The following XXYLT1 variants were observed in gnomAD, a reference collection of about 807,000 sequenced individuals.
XXYLT1 encodes the protein xyloside xylosyltransferase 1.
A neutral mutation model predicts 28.9 loss-of-function variants in XXYLT1; 20 were observed. The observed-to-expected ratio is 0.69, with a 90% CI of 0.49 to 1.00. The LOEUF (loss-of-function observed/expected upper bound fraction) is 1.00. Among genes scored for constraint, XXYLT1 ranks in the 50% least tolerant of loss-of-function variants. The pLI is 0.00. For missense variants in XXYLT1, 542 were observed against 560.1 expected, an observed-to-expected ratio of 0.97 and a Z score of 0.33; for synonymous variants, 257 against 253.8, an observed-to-expected ratio of 1.01 and a Z score of -0.12.
rs1323077962 is a variant in XXYLT1, at chr3:195,115,800, AAC to A, written c.785+40647_785+40648del. On this transcript the variant is annotated intron_variant, in intron 3 of 3. Transcript: ENST00000310380. This position sits in a 1 kb window ranked among gnomAD's most constrained non-coding sequence, Gnocchi z 4.2. ...GACCTCGGTTATCTAGAGAGTAACT[AAC>A]AGTGCTTTGTCAGAGGGCGAGAGGG... 6.6e-6 allele frequency among the ~76,000 whole-genome samples: 1 copy of A among 152,160 alleles called. No individual in the cohort carries two copies. The highest frequency in any genetic ancestry group is 1.5e-5 in the Non-Finnish European group (1 of 68,028).
At chr3:195,153,876 G>A (rs4677663) in intron 3 of XXYLT1, 55,310 of 152,166 alleles carry the variant, frequency 0.36, 11,562 homozygotes, top group East Asian at 0.84. Context: ...CCCGATCCCT[G>A]AAGAGCTCAC....
intron 1 of XXYLT1, among the ~76,000 whole-genome samples, chr3:195,238,341 C>A (rs1452226394): frequency 6.6e-6 from 1 of 152,200 alleles, no homozygotes; most frequent in Non-Finnish European, 1.5e-5. Flanking sequence ...CTTCCCACAG[C>A]CTCCCACAAT....
chr3:195,224,645 T>C (rs1367962461), intron 2 of XXYLT1, among the ~76,000 whole-genome samples: 1 of 152,026 alleles, frequency 6.6e-6, no homozygotes, highest in African/African-American at 2.4e-5. Flanking sequence ...GAGCACGCAA[T>C]GGGCAGGAAC....
chr3:195,159,544 C>T (rs1330543030), intron 2 of XXYLT1, among the ~76,000 whole-genome samples: 5 of 152,148 alleles, frequency 3.3e-5, no homozygotes, highest in African/African-American at 7.2e-5. Flanking sequence ...ACAACTAGCT[C>T]GTGGAGTATC....
At chr3:195,202,553 A>G (rs78140815) in intron 2 of XXYLT1, among the ~76,000 whole-genome samples, 5,117 of 152,258 alleles carry the variant, frequency 0.034, 313 homozygotes, top group African/African-American at 0.12. Flanking sequence ...GCTTTAGAAC[A>G]TTCTGGTTCC....
At chr3:195,203,077 G>T (rs1722925346) in intron 2 of XXYLT1, among the ~76,000 whole-genome samples, 1 of 151,946 alleles carries the variant, frequency 6.6e-6, no homozygotes, top group African/African-American at 2.4e-5. Context: ...CCAAAGTGCT[G>T]GCATTACAGG....
In XXYLT1 at chr3:195,137,247, A is replaced by T. The variant is rs185974946; in HGVS notation, c.785+19202T>A. Among the ~76,000 whole-genome samples, 6 of 152,326 alleles carry T rather than the reference A, an allele frequency of 3.9e-5. No individual in the cohort carries two copies. In the East Asian group the frequency reaches 1.2e-3, roughly 29 times the overall value. On this transcript the variant is annotated intron_variant, in intron 3 of 3. Coordinates refer to ENST00000310380, the MANE Select transcript of XXYLT1 (RefSeq NM_152531.5). ...AGGGGTGACATGTAGGGACAGGGGC[A>T]TTACAAACTGAAGTTTGAGATGCTT...
chr3:195,100,405 C>T (rs1716711176), intron 3 of XXYLT1, among the ~76,000 whole-genome samples: 1 of 152,220 alleles, frequency 6.6e-6, no homozygotes, highest in Non-Finnish European at 1.5e-5. Flanking sequence ...AGGAGGGACA[C>T]ATTTAGCACA....
At chr3:195,070,848 AG>A (rs200213473) in intron 3 of XXYLT1, among the ~76,000 whole-genome samples, 7,870 of 152,320 alleles carry the variant, frequency 0.052, 310 homozygotes, top group East Asian at 0.19. Flanking sequence ...AGAGCCATGT[AG>A]GATGATGTCT....
At chr3:195,070,147 A>G in intron 3 of XXYLT1, 36 bp from the exon 4 acceptor site, 1 of 1,507,696 alleles carries the variant, frequency 6.6e-7, no homozygotes, top group Non-Finnish European at 8.8e-7. Flanking sequence ...TCCGGTGTGC[A>G]GGGGAACCAG....
rs186547573 is a variant in XXYLT1, at chr3:195,247,686, C to T, written c.505-20830G>A. ...CCCTCCGACCCCAGGGCAGGCTCAGCTGCTGTATTAGCCTGTTCTCACACT... is the reference window on the plus strand; with the variant it reads ...CCCTCCGACCCCAGGGCAGGCTCAGTTGCTGTATTAGCCTGTTCTCACACT... On this transcript the variant is annotated intron_variant, in intron 1 of 3. Transcript: ENST00000310380. 3.7e-5 allele frequency: 23 copies of T among 613,938 alleles called. 1 individual carries two copies. In the South Asian group the frequency reaches 4.1e-4, roughly 11 times the overall value. The allele number at this position is 613,938 out of a possible 1,614,324, so 38.0% of individuals were successfully genotyped here. A position where few individuals can be genotyped will look rare whatever the true frequency, so the allele number is the denominator to read the frequency against.
rs898457073 is a variant in XXYLT1, at chr3:195,210,288, C to T, written c.652+16421G>A. On this transcript the variant is annotated intron_variant, in intron 2 of 3. Coordinates refer to ENST00000310380, the MANE Select transcript of XXYLT1 (RefSeq NM_152531.5). This position sits in a 1 kb window ranked among gnomAD's most constrained non-coding sequence, Gnocchi z 4.8. ...ACAGGACGCTGCTCTGCTGACCTCT[C>T]GCCTCTTGCTCCCTGTGTGACACCC... Among the ~76,000 whole-genome samples, 2 of 152,234 alleles carry T rather than the reference C, an allele frequency of 1.3e-5. No individual in the cohort carries two copies. Among genetic ancestry groups the T allele is most frequent in the Non-Finnish European group, 2.9e-5 (2 of 68,040 alleles).
intron 3 of XXYLT1, among the ~76,000 whole-genome samples, chr3:195,134,216 AAG>A (rs1391611888): frequency 1.3e-5 from 2 of 152,238 alleles, no homozygotes; most frequent in South Asian, 4.1e-4. Flanking sequence ...TTTTTGAAGA[AAG>A]AACATTTATT....
chr3:195,263,778 G>A (rs1374871262), intron 1 of XXYLT1, among the ~76,000 whole-genome samples: 1 of 152,156 alleles, frequency 6.6e-6, no homozygotes, highest in African/African-American at 2.4e-5. Flanking sequence ...TCTGAAAGAG[G>A]CTGAGGTTTG....
chr3:195,135,586 T>C (rs977591357), intron 3 of XXYLT1, among the ~76,000 whole-genome samples: 1 of 152,112 alleles, frequency 6.6e-6, no homozygotes, highest in Non-Finnish European at 1.5e-5. Flanking sequence ...TCCCTAGGCC[T>C]CAGCACCAGG....
chr3:195,181,591 G>C (rs957134212), intron 2 of XXYLT1, among the ~76,000 whole-genome samples: 3 of 152,106 alleles, frequency 2.0e-5, no homozygotes, highest in African/African-American at 7.2e-5. Flanking sequence ...AAGCTCACTT[G>C]GTGCTCACAA....
chr3:195,269,644 T>C (rs909035890), intron 1 of XXYLT1, among the ~76,000 whole-genome samples: 5 of 152,206 alleles, frequency 3.3e-5, no homozygotes, highest in South Asian at 2.1e-4. Flanking sequence ...ACAGCTCCCC[T>C]AGTCACTCAC....
At chr3:195,234,653 T>C (rs987543831) in intron 1 of XXYLT1, among the ~76,000 whole-genome samples, 3 of 152,100 alleles carry the variant, frequency 2.0e-5, no homozygotes, top group Non-Finnish European at 4.4e-5. Context: ...CTATTTAAGT[T>C]TTTTCCCTTC....
intron 1 of XXYLT1, among the ~76,000 whole-genome samples, chr3:195,265,437 AC>A (rs1414613261): frequency 3.3e-5 from 5 of 152,178 alleles, no homozygotes; most frequent in African/African-American, 1.2e-4. Flanking sequence ...CTTGCGTTAG[AC>A]AAGAGATTCG....
Sources: allele counts gnomAD v4.1 joint callset (sites outside exome capture counted in the v4.1 genomes callset), GRCh38; gene constraint gnomAD v4.1.1; non-coding constraint Gnocchi (gnomAD v3.1); transcripts MANE v1.5; gene names NCBI Gene and HGNC (gene_info 2026-07-23, HGNC 2026-07-21).